RUFY4: variants seen among roughly 807,000 people sequenced by gnomAD.
RUFY4 encodes RUN and FYVE domain-containing protein 4.
RUFY4 carries 73 observed loss-of-function variants against 69.0 expected under a neutral mutation model. The observed-to-expected ratio is 1.06, with a 90% CI of 0.88 to 1.29. The LOEUF (loss-of-function observed/expected upper bound fraction) is 1.29. RUFY4 is among the 50% of genes most tolerant of loss of function. The pLI, the probability that RUFY4 is intolerant of heterozygous loss-of-function variation, is 0.00. For synonymous variants in RUFY4, 287 were observed against 271.8 expected (o/e 1.06, Z -0.55); for missense variants, 770 against 705.6 (o/e 1.09, Z -1.03).
intron 2 of RUFY4, among the ~76,000 whole-genome samples, chr2:218,071,261 G>A (rs553026022): frequency 3.3e-5 from 5 of 151,836 alleles, no homozygotes; most frequent in South Asian, 2.1e-4. Context: ...CCTCACTCTC[G>A]CCCTCTGAGA....
At chr2:218,072,990 A>T in intron 4 of RUFY4, 105 bp downstream of exon 6, 1 of 1,018,810 alleles carries the variant, frequency 9.8e-7, no homozygotes, top group East Asian at 2.6e-5. Context: ...TATCAAGGAC[A>T]GTTACAATGA....
upstream of RUFY4, chr2:218,070,466 A>G: frequency 1.4e-6 from 1 of 740,630 alleles, no homozygotes; most frequent in Admixed American, 2.1e-5. Flanking sequence ...GTAACTTGCT[A>G]TGTCACCCAA....
chr2:218,037,512 A>C (rs1217322654), intron 2 of RUFY4, among the ~76,000 whole-genome samples: 3 of 152,232 alleles, frequency 2.0e-5, no homozygotes, highest in Non-Finnish European at 2.9e-5. Flanking sequence ...TGACTAATTA[A>C]ATAAATGCAG....
intron 3 of RUFY4, chr2:218,060,637 A>G (rs1689161165): frequency 7.4e-7 from 1 of 1,358,992 alleles, no homozygotes; most frequent in African/African-American, 1.4e-5. Flanking sequence ...CAGCCAGCAG[A>G]GCAGGAAAAT....
At chr2:218,066,688 T>C (rs1380188983), upstream of RUFY4, among the ~76,000 whole-genome samples, 1 of 152,280 alleles carries the variant, frequency 6.6e-6, no homozygotes, top group East Asian at 1.9e-4. Flanking sequence ...ACGTGCCACA[T>C]GTGTCCAAAC....
upstream of RUFY4, among the ~76,000 whole-genome samples, chr2:218,065,113 AG>A (rs932210291): frequency 6.6e-6 from 1 of 152,090 alleles, no homozygotes; most frequent in African/African-American, 2.4e-5. Context: ...GTGAGATGAG[AG>A]GGGCCATTTT....
chr2:218,078,384 A>G (rs989843697), intron 8 of RUFY4, among the ~76,000 whole-genome samples: 4 of 152,236 alleles, frequency 2.6e-5, no homozygotes, highest in African/African-American at 9.6e-5. Flanking sequence ...CTGCGAGAAC[A>G]GCAAAAACAA....
At chr2:218,050,672 C>A (rs994042776) in intron 2 of RUFY4, among the ~76,000 whole-genome samples, 1 of 151,994 alleles carries the variant, frequency 6.6e-6, no homozygotes. Flanking sequence ...TTTTTTTTGG[C>A]CTGGGTTTGG....
chr2:218,061,048 G>T (rs1559426761), intron 3 of RUFY4: 8 of 671,464 alleles, frequency 1.2e-5, no homozygotes, highest in Non-Finnish European at 1.7e-5. Flanking sequence ...ACTTCCTTCA[G>T]GAGCTAGACC....
chr2:218,083,334 T>G (rs1689812865), intron 9 of RUFY4, 78 bp downstream of exon 11: 1 of 1,502,116 alleles, frequency 6.7e-7, no homozygotes, highest in African/African-American at 1.4e-5. Context: ...GTGAAAATTC[T>G]ACTCCACTCA....
chr2:218,040,561 T>C (rs1293587404), intron 2 of RUFY4, among the ~76,000 whole-genome samples: 1 of 152,172 alleles, frequency 6.6e-6, no homozygotes, highest in Non-Finnish European at 1.5e-5. Context: ...TCCTCCTGCC[T>C]TATGACCATG....
At chr2:218,083,170 G>C in exon 9 of RUFY4, 1 of 1,613,788 alleles carries the variant, frequency 6.2e-7, no homozygotes, top group Non-Finnish European at 8.5e-7. Flanking sequence ...AGGAGGCTGA[G>C]AGGAGGGATG....
intron 3 of RUFY4, chr2:218,060,067 C>CG: frequency 8.0e-6 from 2 of 251,276 alleles, no homozygotes; most frequent in South Asian, 1.6e-4. Flanking sequence ...TAGATTTTCA[C>CG]TTCTTAGAAC....
intron 9 of RUFY4, among the ~76,000 whole-genome samples, chr2:218,087,952 A>T (rs376634253): frequency 2.0e-5 from 3 of 152,320 alleles, no homozygotes; most frequent in Non-Finnish European, 1.5e-5. Context: ...TATCAAAAGG[A>T]GGAGCTCTAT....
chr2:218,065,186 A>G (rs2106040790), upstream of RUFY4, among the ~76,000 whole-genome samples: 1 of 152,248 alleles, frequency 6.6e-6, no homozygotes, highest in East Asian at 1.9e-4. Context: ...TCCTTTATCC[A>G]AAATTAGTCG....
At chr2:218,069,310 A>G (rs1362699637), upstream of RUFY4, 1 of 152,320 alleles carries the variant, frequency 6.6e-6, no homozygotes, top group African/African-American at 2.4e-5. Context: ...CTGGCAGCAG[A>G]GCTGCGCTCT....
chr2:218,040,850 G>C (rs915046884), intron 2 of RUFY4, among the ~76,000 whole-genome samples: 2 of 152,042 alleles, frequency 1.3e-5, no homozygotes, highest in Non-Finnish European at 2.9e-5. Context: ...CAGATGAGAA[G>C]ACTGAAATCT....
intron 8 of RUFY4, among the ~76,000 whole-genome samples, chr2:218,080,550 TC>T (rs1249593410): frequency 6.6e-6 from 1 of 152,132 alleles, no homozygotes; most frequent in African/African-American, 2.4e-5. Flanking sequence ...AGGTTCCTCC[TC>T]CCAGCTCAGA....
At chr2:218,047,168 GT>G (rs1688847279) in intron 2 of RUFY4, among the ~76,000 whole-genome samples, 1 of 151,704 alleles carries the variant, frequency 6.6e-6, no homozygotes, top group African/African-American at 2.4e-5. Context: ...CACAAAATCT[GT>G]GTTTCTAGGC....
Sources: gnomAD v4.1 joint callset for allele counts (sites outside exome capture counted in the v4.1 genomes callset) on GRCh38, gnomAD v4.1.1 for gene constraint, MANE v1.5 for transcripts, NCBI Gene and HGNC (gene_info 2026-07-23, HGNC 2026-07-21) for gene names.